The following NEXMIF variants were observed in gnomAD, a reference collection of about 807,000 sequenced individuals.
NEXMIF encodes the protein neurite extension and migration factor.
In NEXMIF, 8 loss-of-function variants were observed where a neutral mutation model predicts 62.1. The ratio of observed to expected loss-of-function variants is 0.13; its 90% CI spans 0.08 to 0.23. NEXMIF has a LOEUF of 0.23. Among genes scored for constraint, NEXMIF ranks in the 10% least tolerant of loss-of-function variants. The pLI, the probability that NEXMIF is intolerant of heterozygous loss-of-function variation, is 1.00. For missense variants in NEXMIF, 976 were observed against 1,113.3 expected (o/e 0.88, Z 1.75); for synonymous variants, 404 against 416.6 (o/e 0.97, Z 0.37).
At chrX:74,823,101 C>T (rs770822058) in intron 1 of NEXMIF, among the ~76,000 whole-genome samples, 16 of 111,783 alleles carry the variant, frequency 1.4e-4, no homozygotes, top group Non-Finnish European at 2.8e-4. Context: ...ACACAAAAGG[C>T]CACATATTGC....
At position 74,894,797 on chromosome X, in the gene NEXMIF, A is replaced by G. The variant is rs534152979; in HGVS notation, c.-48+30086T>C. Among the ~76,000 whole-genome samples the G allele has an allele frequency of 7.6e-4, 86 of 112,487 alleles. No individual in the cohort carries two copies. The South Asian group carries it at 0.031, about 41-fold the overall frequency. ...TGATAAAATTCAACATTCCTTCATA[A>G]TAAAAACCCTCAAAGAAGGAACATA... is the stretch of plus-strand genomic sequence containing the variant. On this transcript the variant is annotated intron_variant, in intron 1 of 3. Transcript: ENST00000055682.
intron 1 of NEXMIF, among the ~76,000 whole-genome samples, chrX:74,761,362 T>C (rs192157195): frequency 8.9e-6 from 1 of 111,745 alleles, no homozygotes; most frequent in African/African-American, 3.2e-5. Context: ...AATTTTTCAG[T>C]TGGTAGACTA....
intron 1 of NEXMIF, among the ~76,000 whole-genome samples, chrX:74,846,843 T>C (rs2080493496): frequency 8.9e-6 from 1 of 112,319 alleles, no homozygotes. Context: ...TGTACTAGTG[T>C]GTCTTATAAA....
At chrX:74,881,922 C>T (rs940633223) in intron 1 of NEXMIF, among the ~76,000 whole-genome samples, 31 of 111,471 alleles carry the variant, frequency 2.8e-4, no homozygotes, top group African/African-American at 9.8e-4. Context: ...GAGTCTTTTC[C>T]GTGATGGTCT....
chrX:74,904,628 T>C (rs1012379530), intron 1 of NEXMIF, among the ~76,000 whole-genome samples: 2 of 111,688 alleles, frequency 1.8e-5, no homozygotes, highest in African/African-American at 6.5e-5. Context: ...TTCTTACTCT[T>C]CTGTATTTCC....
chrX:74,816,982 A>G (rs941776511), intron 1 of NEXMIF, among the ~76,000 whole-genome samples: 1 of 112,268 alleles, frequency 8.9e-6, no homozygotes, highest in African/African-American at 3.2e-5. Flanking sequence ...CCAATTTGAA[A>G]TCGGATTTCT....
intron 1 of NEXMIF, among the ~76,000 whole-genome samples, chrX:74,845,608 A>C (rs764100059): frequency 9.0e-5 from 10 of 111,399 alleles, no homozygotes; most frequent in Non-Finnish European, 1.9e-4. Context: ...AAGTGAAGCA[A>C]GCTCTACTGC....
At chrX:74,756,315 A>G (rs1040206040) in intron 1 of NEXMIF, among the ~76,000 whole-genome samples, 1 of 111,841 alleles carries the variant, frequency 8.9e-6, no homozygotes, top group Non-Finnish European at 1.9e-5. Context: ...ATATATGGGG[A>G]AAGTACTTTA....
At chrX:74,774,271 G>A (rs927466273) in intron 1 of NEXMIF, among the ~76,000 whole-genome samples, 12 of 111,491 alleles carry the variant, frequency 1.1e-4, no homozygotes, top group African/African-American at 1.6e-4. Context: ...TTACAGATGA[G>A]AAAACTAAGG....
chrX:74,922,289 G>A (rs2080829549), intron 1 of NEXMIF, among the ~76,000 whole-genome samples: 1 of 111,504 alleles, frequency 9.0e-6, no homozygotes, highest in African/African-American at 3.3e-5. Flanking sequence ...AAGTAAAACA[G>A]AAAGTGGCAG....
intron 1 of NEXMIF, among the ~76,000 whole-genome samples, chrX:74,837,043 T>C (rs1257644942): frequency 9.0e-6 from 1 of 111,488 alleles, no homozygotes; most frequent in Non-Finnish European, 1.9e-5. Context: ...AGGTGCTGAC[T>C]GAGCCCAGCA....
At chrX:74,864,981 T>TTACAGGCA (rs2080572666) in intron 1 of NEXMIF, among the ~76,000 whole-genome samples, 2 of 112,081 alleles carry the variant, frequency 1.8e-5, no homozygotes, top group Non-Finnish European at 3.8e-5. Context: ...AGTGCCAGGA[T>TTACAGGCA]TACAGGCATG....
chrX:74,766,897 C>T (rs1175596088), intron 1 of NEXMIF, among the ~76,000 whole-genome samples: 1 of 111,710 alleles, frequency 9.0e-6, no homozygotes, highest in African/African-American at 3.3e-5. Flanking sequence ...TTGAAGTGGT[C>T]AGGCAGGGGC....
At chrX:74,820,044 G>C (rs1056014770) in intron 1 of NEXMIF, among the ~76,000 whole-genome samples, 2 of 110,921 alleles carry the variant, frequency 1.8e-5, no homozygotes, top group African/African-American at 6.6e-5. Context: ...GCAGGGACAT[G>C]GATGAAGCTG....
intron 1 of NEXMIF, among the ~76,000 whole-genome samples, chrX:74,758,551 C>T (rs1018465633): frequency 3.6e-5 from 4 of 110,848 alleles, no homozygotes; most frequent in African/African-American, 1.3e-4. Flanking sequence ...CTGATCCTCT[C>T]CCTCCTCCCT....
rs749135106 is a variant in NEXMIF, at chrX:74,855,003, T to C, written c.-48+69880A>G. On this transcript the variant is annotated intron_variant, in intron 1 of 3. Coordinates refer to ENST00000055682, the MANE Select transcript of NEXMIF (RefSeq NM_001008537.3). ...AATGACCATACTGCACAAAGCAATG[T>C]AAAAAATAATTTCAGTCCCTATCAA... Among the ~76,000 whole-genome samples the C allele has an allele frequency of 3.6e-5, 4 of 111,421 alleles. No homozygotes were observed. In the South Asian group the frequency reaches 1.5e-3, roughly 42 times the overall value.
chrX:74,862,964 G>GT (rs1416968576), intron 1 of NEXMIF, among the ~76,000 whole-genome samples: 1 of 110,613 alleles, frequency 9.0e-6, no homozygotes, highest in Non-Finnish European at 1.9e-5. Context: ...TGAGGTCAGG[G>GT]GTTTGAGACC....
intron 1 of NEXMIF, among the ~76,000 whole-genome samples, chrX:74,831,027 T>C (rs781011057): frequency 1.8e-5 from 2 of 110,934 alleles, no homozygotes; most frequent in South Asian, 7.8e-4. Context: ...TCCTTTCCAA[T>C]TTGAATGCCT....
intron 1 of NEXMIF, among the ~76,000 whole-genome samples, chrX:74,755,347 A>G (rs941637295): frequency 3.6e-5 from 4 of 111,931 alleles, no homozygotes; most frequent in Non-Finnish European, 5.6e-5. Flanking sequence ...AGCACTTACA[A>G]TCTTAGAGAG....
Sources: gnomAD v4.1 joint callset for allele counts (sites outside exome capture counted in the v4.1 genomes callset) on GRCh38, gnomAD v4.1.1 for gene constraint, MANE v1.5 for transcripts, NCBI Gene and HGNC (gene_info 2026-07-23, HGNC 2026-07-21) for gene names.